STK32B: variants seen among roughly 807,000 people sequenced by gnomAD.
The protein encoded by STK32B is serine/threonine-protein kinase 32B.
STK32B carries 43 observed loss-of-function variants against 52.6 expected under a neutral mutation model. That is an observed-to-expected ratio of 0.82 (90% CI 0.64 to 1.05). The LOEUF (loss-of-function observed/expected upper bound fraction) is 1.05. STK32B is among the 50% of genes least tolerant of loss of function. The pLI, the probability that STK32B is intolerant of heterozygous loss-of-function variation, is 0.00. For synonymous variants in STK32B, 238 were observed against 204.3 expected (o/e 1.17, Z -1.41); for missense variants, 621 against 534.6 (o/e 1.16, Z -1.59).
At chr4:5,181,305 AAAG>A (rs1198156254) in intron 3 of STK32B, among the ~76,000 whole-genome samples, 1 of 146,670 alleles carries the variant, frequency 6.8e-6, no homozygotes, top group Non-Finnish European at 1.5e-5. Flanking sequence ...GGTCTTATAA[AAAG>A]AAGAGAAAGA....
At position 5,054,820 on chromosome 4, in the gene STK32B, C is replaced by T. The variant is rs1741935329; in HGVS notation, c.52+2905C>T. On this transcript the variant is annotated intron_variant, in intron 1 of 11. Transcript: ENST00000282908. The stretch of plus-strand genomic sequence containing the variant: ...TGTTAAACCACAGCTAAATATTTGC[C>T]ATTGTGTAATTGTGACAGGACCGTC... Among the ~76,000 whole-genome samples, 3 of 152,168 alleles carry T rather than the reference C, an allele frequency of 2.0e-5. No homozygotes were observed. The South Asian group carries it at 6.2e-4, about 32-fold the overall frequency.
intron 1 of STK32B, among the ~76,000 whole-genome samples, chr4:5,085,188 T>G (rs773241113): frequency 2.6e-5 from 4 of 152,208 alleles, no homozygotes; most frequent in Non-Finnish European, 5.9e-5. Flanking sequence ...TTGGAAATTT[T>G]TACTTAAAAT....
chr4:5,312,787 T>G (rs1730393293), intron 3 of STK32B, among the ~76,000 whole-genome samples: 2 of 152,018 alleles, frequency 1.3e-5, no homozygotes, highest in African/African-American at 2.4e-5. Context: ...TTTATAGTCC[T>G]TTGGGTATAT....
At chr4:5,339,865 C>T (rs997035861) in intron 4 of STK32B, among the ~76,000 whole-genome samples, 23 of 152,116 alleles carry the variant, frequency 1.5e-4, no homozygotes, top group East Asian at 1.9e-4. Context: ...TTCTTTTAGA[C>T]GCCTCATACT....
intron 2 of STK32B, among the ~76,000 whole-genome samples, chr4:5,149,534 T>C (rs554285107): frequency 6.6e-6 from 1 of 152,056 alleles, no homozygotes; most frequent in Non-Finnish European, 1.5e-5. Context: ...GATTATACTA[T>C]ACATTCTTAA....
At chr4:5,440,397 A>T (rs898391738) in intron 6 of STK32B, among the ~76,000 whole-genome samples, 26 of 151,702 alleles carry the variant, frequency 1.7e-4, no homozygotes, top group Admixed American at 7.2e-4. Flanking sequence ...ATGATTTGGC[A>T]CTCTGTTTGT....
chr4:5,319,962 A>G (rs1731378656), intron 3 of STK32B, among the ~76,000 whole-genome samples: 1 of 152,074 alleles, frequency 6.6e-6, no homozygotes, highest in African/African-American at 2.4e-5. Context: ...AGAAACCTAA[A>G]TCATGCAGGA....
chr4:5,349,433 C>T (rs535842258), intron 4 of STK32B, among the ~76,000 whole-genome samples: 1 of 152,096 alleles, frequency 6.6e-6, no homozygotes, highest in South Asian at 2.1e-4. Flanking sequence ...CACCCAGAAC[C>T]AAAGCCAAAT....
intron 11 of STK32B, among the ~76,000 whole-genome samples, chr4:5,483,092 C>T (rs1325000794): frequency 1.3e-5 from 2 of 152,010 alleles, no homozygotes; most frequent in Admixed American, 1.3e-4. Context: ...CAGGATGATG[C>T]TGGACTCATA....
chr4:5,478,606 G>A (rs1263163000), intron 11 of STK32B, among the ~76,000 whole-genome samples: 2 of 152,206 alleles, frequency 1.3e-5, no homozygotes, highest in Non-Finnish European at 2.9e-5. Context: ...ATCTCCGGGA[G>A]ACTGGAAAGA....
At chr4:5,480,486 C>T (rs1009915455) in intron 11 of STK32B, among the ~76,000 whole-genome samples, 2 of 152,118 alleles carry the variant, frequency 1.3e-5, no homozygotes, top group African/African-American at 2.4e-5. Flanking sequence ...TAAATTTAAA[C>T]ATTTTCTGGT....
intron 2 of STK32B, among the ~76,000 whole-genome samples, chr4:5,147,515 A>G (rs1717005019): frequency 6.6e-6 from 1 of 152,070 alleles, no homozygotes; most frequent in Non-Finnish European, 1.5e-5. Context: ...TTTTAGGGGA[A>G]AAAGTGTTCA....
At chr4:5,337,541 A>C (rs998783297) in intron 4 of STK32B, among the ~76,000 whole-genome samples, 1 of 152,176 alleles carries the variant, frequency 6.6e-6, no homozygotes, top group Non-Finnish European at 1.5e-5. Flanking sequence ...CTGATGGGAT[A>C]TCAGTTGTGC....
Position 5,394,298 on chromosome 4 carries a change from A to AAACATCGTCACC in STK32B, c.435-3908_435-3897dup, listed in dbSNP as rs2109040639. Reference sequence around the variant, plus strand: ...CTGAAATTATGGGTCTGTCCTCAGGAAACATCGTCACCGCCTTCCCATCCA... The same window carrying AAACATCGTCACC: ...CTGAAATTATGGGTCTGTCCTCAGGAAACATCGTCACCAACATCGTCACCGCCTTCCCATCCA... On this transcript the variant is annotated intron_variant, in intron 4 of 11. Transcript: ENST00000282908. This position sits in a 1 kb window ranked among gnomAD's most constrained non-coding sequence, Gnocchi z 4.2. Among the ~76,000 whole-genome samples the AAACATCGTCACC allele has an allele frequency of 6.6e-6, 1 of 152,256 alleles. No homozygotes were observed. Among genetic ancestry groups the AAACATCGTCACC allele is most frequent in the South Asian group, 2.1e-4 (1 of 4,824 alleles).
chr4:5,250,650 A>G (rs1209573773), intron 3 of STK32B, among the ~76,000 whole-genome samples: 1 of 152,152 alleles, frequency 6.6e-6, no homozygotes, highest in Non-Finnish European at 1.5e-5. Flanking sequence ...ACTACTTTCC[A>G]CAGTGACTAA....
intron 4 of STK32B, among the ~76,000 whole-genome samples, chr4:5,337,595 G>A (rs1732792971): frequency 6.6e-6 from 1 of 152,092 alleles, no homozygotes; most frequent in African/African-American, 2.4e-5. Context: ...ATGGATCAGA[G>A]ACCCCGGGAG....
At chr4:5,291,373 C>T (rs1487328462) in intron 3 of STK32B, among the ~76,000 whole-genome samples, 1 of 151,984 alleles carries the variant, frequency 6.6e-6, no homozygotes, top group Non-Finnish European at 1.5e-5. Context: ...TCTTGTACTG[C>T]TTTCACCAAA....
chr4:5,027,552 TC>T, the STK32B span, among the ~76,000 whole-genome samples: 4 of 152,258 alleles, frequency 2.6e-5, no homozygotes, highest in Non-Finnish European at 2.9e-5. Context: ...TTACTCATCC[TC>T]CTTTGATGTG....
chr4:5,388,574 TA>T (rs576660885), intron 4 of STK32B, among the ~76,000 whole-genome samples: 12 of 152,350 alleles, frequency 7.9e-5, no homozygotes, highest in African/African-American at 2.9e-4. Flanking sequence ...TTCCATATGC[TA>T]CTACCATGGC....
Sources: gnomAD v4.1 joint callset for allele counts (sites outside exome capture counted in the v4.1 genomes callset) on GRCh38, gnomAD v4.1.1 for gene constraint, Gnocchi (gnomAD v3.1) non-coding constraint, MANE v1.5 for transcripts, NCBI Gene and HGNC (gene_info 2026-07-23, HGNC 2026-07-21) for gene names.